PRKN: variants seen among roughly 807,000 people sequenced by gnomAD.
The protein encoded by PRKN is parkin RBR E3 ubiquitin protein ligase.
In PRKN, 56 loss-of-function variants were observed where a neutral mutation model predicts 59.5. The observed-to-expected ratio is 0.94, with a 90% CI of 0.76 to 1.18. The LOEUF (loss-of-function observed/expected upper bound fraction) is 1.18. Ranked by LOEUF, PRKN falls within the 50% of genes most tolerant of loss-of-function variation. The probability of loss-of-function intolerance (pLI) is 0.00; values close to 1 mark genes in which losing one functional copy is unlikely to be tolerated. For synonymous variants in PRKN, 250 were observed against 222.1 expected, an observed-to-expected ratio of 1.13 and a Z score of -1.12; for missense variants, 657 against 596.4, an observed-to-expected ratio of 1.10 and a Z score of -1.06.
At chr6:162,126,311 G>A (rs1781124170) in intron 4 of PRKN, among the ~76,000 whole-genome samples, 1 of 152,140 alleles carries the variant, frequency 6.6e-6, no homozygotes, top group Non-Finnish European at 1.5e-5. Flanking sequence ...GGTCATTTCT[G>A]AACTCATGAA....
intron 9 of PRKN, among the ~76,000 whole-genome samples, chr6:161,416,819 G>A (rs956991132): frequency 2.6e-5 from 4 of 152,102 alleles, no homozygotes; most frequent in African/African-American, 7.2e-5. Flanking sequence ...ACTGTCACCC[G>A]TCCTCCTGCC....
chr6:162,066,774 A>C (rs968121975), intron 4 of PRKN, among the ~76,000 whole-genome samples: 1 of 152,242 alleles, frequency 6.6e-6, no homozygotes, highest in African/African-American at 2.4e-5. Flanking sequence ...ATAGCAGCAC[A>C]AAAAGAACTA....
At chr6:162,683,499 C>T (rs1779847685) in intron 1 of PRKN, among the ~76,000 whole-genome samples, 1 of 152,128 alleles carries the variant, frequency 6.6e-6, no homozygotes, top group Non-Finnish European at 1.5e-5. Flanking sequence ...AAAGCCTGTT[C>T]TACAAGATGG....
At chr6:161,600,570 G>C (rs564252333) in intron 7 of PRKN, among the ~76,000 whole-genome samples, 1 of 151,946 alleles carries the variant, frequency 6.6e-6, no homozygotes. Context: ...AATATACTCC[G>C]TATACAATAT....
chr6:162,555,303 C>T (rs1779516338), intron 1 of PRKN, among the ~76,000 whole-genome samples: 1 of 152,190 alleles, frequency 6.6e-6, no homozygotes, highest in South Asian at 2.1e-4. Flanking sequence ...CTAACCCAAC[C>T]AGTAAAATAT....
intron 8 of PRKN, among the ~76,000 whole-genome samples, chr6:161,555,323 C>T (rs1171699963): frequency 2.6e-5 from 4 of 152,138 alleles, no homozygotes; most frequent in Non-Finnish European, 4.4e-5. Flanking sequence ...CATAAGGATG[C>T]TATTTTGTTC....
chr6:161,860,707 T>C (rs1157133270), intron 6 of PRKN, among the ~76,000 whole-genome samples: 3 of 152,234 alleles, frequency 2.0e-5, no homozygotes, highest in Non-Finnish European at 2.9e-5. Context: ...CTGTTCACTC[T>C]GATTATAGTT....
intron 1 of PRKN, among the ~76,000 whole-genome samples, chr6:162,483,556 G>A (rs1338396592): frequency 3.8e-5 from 4 of 105,708 alleles, no homozygotes; most frequent in Non-Finnish European, 4.0e-5. Flanking sequence ...AGGGACGTAG[G>A]GAAGGAGGGA....
chr6:161,559,799 G>T (rs1319421078), intron 8 of PRKN, among the ~76,000 whole-genome samples: 1 of 152,142 alleles, frequency 6.6e-6, no homozygotes, highest in East Asian at 1.9e-4. Context: ...AGCATTTAAT[G>T]ATCTAATTAG....
chr6:162,427,821 AT>A (rs1004090393), intron 2 of PRKN, among the ~76,000 whole-genome samples: 5 of 151,546 alleles, frequency 3.3e-5, no homozygotes, highest in African/African-American at 9.7e-5. Context: ...AATGTTTTGC[AT>A]TTTTTTTAGT....
intron 4 of PRKN, among the ~76,000 whole-genome samples, chr6:162,101,941 C>CATTG (rs1779987797): frequency 2.0e-5 from 3 of 152,178 alleles, no homozygotes; most frequent in Admixed American, 2.0e-4. Context: ...CAGGAACTCA[C>CATTG]ATTGATACAC....
chr6:161,665,288 T>C (rs1021372269), intron 7 of PRKN, among the ~76,000 whole-genome samples: 1 of 152,176 alleles, frequency 6.6e-6, no homozygotes, highest in South Asian at 2.1e-4. Context: ...GCCAACTCTA[T>C]ATGTGGCCAG....
rs185683293 is a variant in PRKN at position 161,991,612 on chromosome 6, C to A, written c.619-18195G>T. Among the ~76,000 whole-genome samples the A allele has an allele frequency of 1.9e-3, 295 of 151,894 alleles. 1 individual carries two copies. The highest frequency in any genetic ancestry group is 3.2e-3 in the Non-Finnish European group (214 of 67,880). On this transcript the variant is annotated intron_variant, in intron 5 of 11. Coordinates refer to ENST00000366898, the MANE Select transcript of PRKN (RefSeq NM_004562.3). Reference sequence around the variant, plus strand: ...ATCTCAGCACTTTGGGAGGCCGAGGCGGGCGGGTCACCTGAGGTCACGAGT... The same window carrying A: ...ATCTCAGCACTTTGGGAGGCCGAGGAGGGCGGGTCACCTGAGGTCACGAGT...
intron 6 of PRKN, among the ~76,000 whole-genome samples, chr6:161,859,187 T>C (rs1251858410): frequency 6.6e-6 from 1 of 151,882 alleles, no homozygotes; most frequent in Non-Finnish European, 1.5e-5. Context: ...ACTTTTTGAC[T>C]AAGTAAGGCT....
At chr6:162,281,416 TA>T (rs369725078) in intron 2 of PRKN, among the ~76,000 whole-genome samples, 160 of 149,120 alleles carry the variant, frequency 1.1e-3, no homozygotes, top group African/African-American at 3.2e-3. Flanking sequence ...AAAGTAAAAT[TA>T]AAAAAAAAAT....
intron 1 of PRKN, among the ~76,000 whole-genome samples, chr6:162,453,360 TA>T (rs1790716230): frequency 6.6e-6 from 1 of 152,228 alleles, no homozygotes; most frequent in Non-Finnish European, 1.5e-5. Flanking sequence ...ACTCTTTTTT[TA>T]TTCTTTGATT....
At chr6:162,232,306 T>C (rs189899608) in intron 3 of PRKN, among the ~76,000 whole-genome samples, 1 of 152,246 alleles carries the variant, frequency 6.6e-6, no homozygotes, top group African/African-American at 2.4e-5. Context: ...TCCCCTCCCA[T>C]GCCTGGCTAC....
chr6:162,561,512 T>C (rs778322060), intron 1 of PRKN, among the ~76,000 whole-genome samples: 6 of 152,098 alleles, frequency 3.9e-5, no homozygotes, highest in East Asian at 3.9e-4. Context: ...TGAGCACTCA[T>C]GGTACTTGAT....
At chr6:162,333,985 GAAAC>G (rs1562678880) in intron 2 of PRKN, among the ~76,000 whole-genome samples, 2 of 152,136 alleles carry the variant, frequency 1.3e-5, no homozygotes, top group East Asian at 3.9e-4. Flanking sequence ...ATACAAGATC[GAAAC>G]AGCCACAACA....
Sources: allele counts gnomAD v4.1 joint callset (sites outside exome capture counted in the v4.1 genomes callset), GRCh38; gene constraint gnomAD v4.1.1; transcripts MANE v1.5; gene names NCBI Gene and HGNC (gene_info 2026-07-23, HGNC 2026-07-21).